The following PHEX variants were observed in gnomAD, a reference collection of about 807,000 sequenced individuals.
PHEX encodes the protein phosphate regulating endopeptidase X-linked.
PHEX carries 16 observed loss-of-function variants against 68.0 expected under a neutral mutation model. The observed-to-expected ratio is 0.24, with a 90% confidence interval of 0.16 to 0.36. The LOEUF is 0.36. PHEX is among the 10% of genes least tolerant of loss of function. The pLI is 1.00. For synonymous variants in PHEX, 208 were observed against 205.1 expected, an observed-to-expected ratio of 1.01 and a Z score of -0.12; for missense variants, 480 against 575.5, an observed-to-expected ratio of 0.83 and a Z score of 1.70.
intron 20 of PHEX, among the ~76,000 whole-genome samples, chrX:22,230,012 T>G (rs1935656496): frequency 9.0e-6 from 1 of 111,176 alleles, no homozygotes; most frequent in East Asian, 2.8e-4. Flanking sequence ...CCTTTCCCCA[T>G]TGCTTGTTTT....
chrX:22,165,972 C>T (rs759201050), intron 12 of PHEX, among the ~76,000 whole-genome samples: 18 of 112,185 alleles, frequency 1.6e-4, no homozygotes, highest in Non-Finnish European at 2.6e-4. Context: ...TCCAATAAAA[C>T]TTTATTTATA....
At chrX:22,215,702 C>A (rs1935064412) in intron 16 of PHEX, among the ~76,000 whole-genome samples, 1 of 110,587 alleles carries the variant, frequency 9.0e-6, no homozygotes, top group Admixed American at 9.6e-5. Context: ...TTTTTTGTAC[C>A]CATTAACCAT....
At chrX:22,102,381 T>G (rs760038694) in intron 9 of PHEX, among the ~76,000 whole-genome samples, 1 of 112,481 alleles carries the variant, frequency 8.9e-6, no homozygotes, top group African/African-American at 3.2e-5. Flanking sequence ...GTTCCACTCA[T>G]GTTTCTGGAA....
chrX:22,131,132 C>T (rs2301312), intron 11 of PHEX, among the ~76,000 whole-genome samples: 3,496 of 110,660 alleles, frequency 0.032, 133 homozygotes, highest in African/African-American at 0.1. Flanking sequence ...CTCTGCCTCC[C>T]GAGTTCCAGT....
intron 13 of PHEX, chrX:22,171,147 T>A (rs1426893182): frequency 9.0e-6 from 1 of 111,716 alleles, no homozygotes; most frequent in Non-Finnish European, 1.9e-5. Context: ...GAAAGAGGTT[T>A]AATTGACTCA....
chrX:22,046,868 A>G (rs1927559484), intron 2 of PHEX, among the ~76,000 whole-genome samples, 182 bp from the exon 3 acceptor site: 1 of 111,750 alleles, frequency 8.9e-6, no homozygotes. Context: ...CACCCGGCCT[A>G]TCCATTCACT....
At position 22,236,141 on chromosome X, in the gene PHEX, T is replaced by TTCC. The variant is rs752790194; in HGVS notation, c.2070+8532_2070+8534dup. ...TGATTCTCCTTCTATAATGCAACCC[T>TTCC]TCCTACTCTTCCCCTTCAGATGATT... is the stretch of plus-strand genomic sequence containing the variant. On this transcript the variant is annotated intron_variant, in intron 20 of 21. Transcript: ENST00000379374. Among the ~76,000 whole-genome samples, 5 of 112,004 alleles carry TTCC rather than the reference T, an allele frequency of 4.5e-5. No homozygotes were observed. The South Asian group carries it at 1.9e-3, about 42-fold the overall frequency.
At chrX:22,143,562 T>C (rs1487287382) in intron 12 of PHEX, among the ~76,000 whole-genome samples, 1 of 112,370 alleles carries the variant, frequency 8.9e-6, no homozygotes, top group Admixed American at 9.4e-5. Context: ...AAGCAGTCAC[T>C]CTCCATTCCC....
intron 14 of PHEX, among the ~76,000 whole-genome samples, chrX:22,186,891 G>C (rs367870249): frequency 8.9e-6 from 1 of 112,068 alleles, no homozygotes; most frequent in African/African-American, 3.2e-5. Context: ...ATTTTAAAGA[G>C]AGGGGAGTTG....
chrX:22,037,416 C>A (rs1423743902), intron 1 of PHEX, among the ~76,000 whole-genome samples: 3 of 111,517 alleles, frequency 2.7e-5, no homozygotes, highest in African/African-American at 9.8e-5. Context: ...ATTGTTTCTG[C>A]TCACAGAGCA....
rs10647092 is a variant in PHEX, at chrX:22,106,778, C to CAAAAA, written c.1080-4675_1080-4671dup. 3.2e-3 allele frequency among the ~76,000 whole-genome samples: 171 copies of CAAAAA among 53,298 alleles called. 2 individuals are homozygous for CAAAAA. The highest frequency in any genetic ancestry group is 0.011 in the African/African-American group (159 of 14,180). 46.3% of individuals were successfully genotyped at this position (53,298 alleles called of 115,157 possible). On this transcript the variant is annotated intron_variant, in intron 9 of 21. Transcript: ENST00000379374. Reference sequence around the variant, plus strand: ...GACAGGAGTGAGTGAAACTCTGTCTCAAAAAAAAAAAAAAAAAACCAAATA... The same window carrying CAAAAA: ...GACAGGAGTGAGTGAAACTCTGTCTCAAAAAAAAAAAAAAAAAAAAAAACCAAATA...
At chrX:22,209,753 C>CTCCCTCTCCTCCCTCTCCTCCCTCTG (rs1569427989) in intron 15 of PHEX, among the ~76,000 whole-genome samples, 1 of 33,548 alleles carries the variant, frequency 3.0e-5, no homozygotes, top group Non-Finnish European at 5.4e-5. Flanking sequence ...TGCTCCCTCT[C>CTCCCTCTCCTCCCTCTCCTCCCTCTG]CTCCCTCTCC....
intron 12 of PHEX, among the ~76,000 whole-genome samples, chrX:22,156,840 T>A (rs1410065718): frequency 1.8e-5 from 2 of 111,220 alleles, no homozygotes; most frequent in African/African-American, 6.5e-5. Flanking sequence ...ATTTATGATT[T>A]GGCCACTCTT....
rs192979428 is a variant in PHEX, at chrX:22,142,212, G to A, written c.1404+8588G>A. Among the ~76,000 whole-genome samples the A allele has an allele frequency of 1.5e-3, 167 of 111,756 alleles. 2 individuals carry two copies. In the East Asian group the frequency reaches 0.028, roughly 18 times the overall value. On this transcript the variant is annotated intron_variant, in intron 12 of 21. Coordinates refer to ENST00000379374, the MANE Select transcript of PHEX (RefSeq NM_000444.6). Reference sequence around the variant, plus strand: ...GGTTGCAGTGAGCCAAGATTACGCCGCTGCACTCCAGCCTGGGCGACAGAG... The same window carrying A: ...GGTTGCAGTGAGCCAAGATTACGCCACTGCACTCCAGCCTGGGCGACAGAG...
intron 2 of PHEX, among the ~76,000 whole-genome samples, chrX:22,041,261 CTCTCTA>C (rs1170323862): frequency 1.7e-4 from 11 of 65,501 alleles, no homozygotes; most frequent in African/African-American, 7.8e-4. Flanking sequence ...CTCTCTCTCT[CTCTCTA>C]TATATATATA....
chrX:22,144,750 A>G (rs963400019), intron 12 of PHEX, among the ~76,000 whole-genome samples: 12 of 31,330 alleles, frequency 3.8e-4, no homozygotes, highest in Non-Finnish European at 6.1e-4. Flanking sequence ...CTTTTTTTTG[A>G]AAAAAAAAAA....
At chrX:22,058,868 G>A (rs1261164299) in intron 3 of PHEX, among the ~76,000 whole-genome samples, 3 of 112,205 alleles carry the variant, frequency 2.7e-5, no homozygotes, top group African/African-American at 9.7e-5. Context: ...GCAGCAGCAC[G>A]ATCTCGGCTC....
In PHEX at chrX:22,152,993, CT is replaced by C. The variant is rs796374231; in HGVS notation, c.1405-15303del. 4.6e-3 allele frequency among the ~76,000 whole-genome samples: 453 copies of C among 98,540 alleles called. 3 individuals carry two copies. The highest frequency in any genetic ancestry group is 0.044 in the East Asian group (139 of 3,157). 85.6% of individuals were successfully genotyped at this position (98,540 alleles called of 115,157 possible). A position where few individuals can be genotyped will look rare whatever the true frequency, so the allele number is the denominator to read the frequency against. Reference sequence around the variant, plus strand: ...ATGTCATGATGAAGTAAATGATCAACTTTTTTTTTTTTTTTTGAGACAGGGT... The same window carrying C: ...ATGTCATGATGAAGTAAATGATCAACTTTTTTTTTTTTTTTGAGACAGGGT... On this transcript the variant is annotated intron_variant, in intron 12 of 21. Transcript: ENST00000379374.
chrX:22,074,960 T>C (rs7877786), intron 3 of PHEX, among the ~76,000 whole-genome samples: 7,870 of 108,463 alleles, frequency 0.073, 441 homozygotes, highest in African/African-American at 0.19. Flanking sequence ...ACCTGTAATC[T>C]CAGCTACTCG....
Sources: gnomAD v4.1 joint callset for allele counts (sites outside exome capture counted in the v4.1 genomes callset) on GRCh38, gnomAD v4.1.1 for gene constraint, MANE v1.5 for transcripts, NCBI Gene and HGNC (gene_info 2026-07-23, HGNC 2026-07-21) for gene names.